The following CHN2 variants were observed in gnomAD, a reference collection of about 807,000 sequenced individuals.
CHN2 encodes the protein beta-chimaerin.
Under a neutral mutation model 56.3 loss-of-function variants are expected in CHN2, and 35 were observed. The observed-to-expected ratio is 0.62, with a 90% CI of 0.47 to 0.82. The LOEUF is 0.82. CHN2 is among the 40% of genes least tolerant of loss of function. The probability of loss-of-function intolerance (pLI) is 0.00; values close to 1 mark genes in which losing one functional copy is unlikely to be tolerated. For synonymous variants in CHN2, 210 were observed against 212.8 expected (o/e 0.99, Z 0.12); for missense variants, 491 against 580.5 (o/e 0.85, Z 1.58).
chr7:29,501,105 T>C (rs1789920886), intron 9 of CHN2, among the ~76,000 whole-genome samples: 1 of 47,180 alleles, frequency 2.1e-5, no homozygotes, highest in Admixed American at 2.7e-4. Context: ...ATATATTCAT[T>C]GGTCAACTAC....
chr7:29,227,373 A>T (rs1403370422), intron 1 of CHN2, among the ~76,000 whole-genome samples: 1 of 152,144 alleles, frequency 6.6e-6, no homozygotes, highest in Non-Finnish European at 1.5e-5. Context: ...TTCTAGAGGG[A>T]TGGACGTACT....
chr7:29,504,950 A>G (rs573139177), intron 10 of CHN2, 129 bp downstream of exon 10: 1 of 626,678 alleles, frequency 1.6e-6, no homozygotes, highest in South Asian at 2.1e-5. Context: ...CGGAGGAATA[A>G]TGGCTTACAA....
chr7:29,473,930 T>G (rs578161865), intron 6 of CHN2, among the ~76,000 whole-genome samples: 7 of 152,306 alleles, frequency 4.6e-5, no homozygotes, highest in Admixed American at 2.0e-4. Context: ...AAAAATCATT[T>G]TTATATAATG....
intron 6 of CHN2, among the ~76,000 whole-genome samples, chr7:29,468,687 A>G (rs1033477747): frequency 1.3e-5 from 2 of 152,066 alleles, no homozygotes; most frequent in Admixed American, 1.3e-4. Flanking sequence ...AACACGTGCA[A>G]TCAGATTCCC....
chr7:29,360,726 G>T (rs950337071), intron 2 of CHN2, among the ~76,000 whole-genome samples: 4 of 152,108 alleles, frequency 2.6e-5, no homozygotes. Context: ...TCAGCTCCTG[G>T]GTCCATATAC....
chr7:29,247,361 A>G (rs1214440332), intron 1 of CHN2, among the ~76,000 whole-genome samples: 5 of 152,194 alleles, frequency 3.3e-5, no homozygotes, highest in African/African-American at 9.7e-5. Flanking sequence ...CATGTGTCAC[A>G]CAGGCCTGGC....
chr7:29,302,673 T>C (rs1430647852), intron 1 of CHN2, among the ~76,000 whole-genome samples: 1 of 152,040 alleles, frequency 6.6e-6, no homozygotes, highest in Non-Finnish European at 1.5e-5. Context: ...CCATTCACAG[T>C]GTTATGTGGC....
At chr7:29,201,126 A>G (rs1412845294) in intron 1 of CHN2, among the ~76,000 whole-genome samples, 3 of 152,238 alleles carry the variant, frequency 2.0e-5, no homozygotes, top group Non-Finnish European at 4.4e-5. Flanking sequence ...AGTGTAAAGT[A>G]TTATTTTAAA....
intron 2 of CHN2, among the ~76,000 whole-genome samples, chr7:29,183,426 G>T (rs936452209): frequency 6.6e-6 from 1 of 151,452 alleles, no homozygotes; most frequent in African/African-American, 2.4e-5. Flanking sequence ...GCCCAGGCTG[G>T]AGTGAGGTGG....
intron 1 of CHN2, among the ~76,000 whole-genome samples, chr7:29,248,263 G>A (rs1466630221): frequency 1.3e-5 from 2 of 152,156 alleles, no homozygotes; most frequent in African/African-American, 2.4e-5. Context: ...ATGTGCTATC[G>A]GACCAGAGAC....
chr7:29,295,314 AACACACACAC>A (rs58693628), intron 1 of CHN2, among the ~76,000 whole-genome samples: 4 of 144,962 alleles, frequency 2.8e-5, no homozygotes, highest in South Asian at 2.3e-4. Flanking sequence ...TTTAGCTGTG[AACACACACAC>A]ACACACACAC....
chr7:29,326,056 C>T (rs1795775331), intron 1 of CHN2, among the ~76,000 whole-genome samples: 1 of 152,190 alleles, frequency 6.6e-6, no homozygotes, highest in Admixed American at 6.5e-5. Flanking sequence ...CCGTCTTTAC[C>T]ACTATAGTTG....
chr7:29,225,909 AACT>A (rs1786154153), intron 1 of CHN2, among the ~76,000 whole-genome samples: 1 of 152,190 alleles, frequency 6.6e-6, no homozygotes, highest in Non-Finnish European at 1.5e-5. Flanking sequence ...TTATTAATAA[AACT>A]CCCCAAATGG....
In CHN2 at chr7:29,512,770, C is replaced by T; in HGVS notation, c.*35C>T. 1 of 1,587,782 alleles carries T rather than the reference C, an allele frequency of 6.3e-7. No homozygotes were observed. The highest frequency in any genetic ancestry group is 8.6e-7 in the Non-Finnish European group (1 of 1,167,086). ...GAAATGAGCTGAATGGCCCCAGCAC[C>T]ATCCAAGTTGACACAGCTAAAGGAA... On this transcript the variant is annotated 3_prime_UTR_variant, in exon 13 of 13. Transcript: ENST00000222792.
intron 1 of CHN2, chr7:29,335,626 T>C (rs1027897284): frequency 3.3e-5 from 5 of 152,246 alleles, no homozygotes; most frequent in Non-Finnish European, 5.9e-5. Flanking sequence ...AGAGCCTGCA[T>C]GTGTCAGGTA....
intron 1 of CHN2, among the ~76,000 whole-genome samples, chr7:29,218,589 G>A (rs1463860799): frequency 1.3e-5 from 2 of 152,072 alleles, no homozygotes. Flanking sequence ...TTAAGAAAAT[G>A]TGGCATATAT....
intron 1 of CHN2, among the ~76,000 whole-genome samples, chr7:29,246,815 G>T (rs2128814570): frequency 6.6e-6 from 1 of 152,196 alleles, no homozygotes; most frequent in East Asian, 1.9e-4. Flanking sequence ...CATGGTGGAA[G>T]GGATGAGGGA....
At chr7:29,272,183 G>A (rs951101801) in intron 1 of CHN2, among the ~76,000 whole-genome samples, 3 of 152,068 alleles carry the variant, frequency 2.0e-5, no homozygotes, top group African/African-American at 2.4e-5. Flanking sequence ...TGACAGACAC[G>A]GAGTCCGCCA....
intron 1 of CHN2, among the ~76,000 whole-genome samples, chr7:29,218,966 T>A (rs1051415865): frequency 8.4e-5 from 12 of 142,880 alleles, no homozygotes; most frequent in South Asian, 2.2e-4. Flanking sequence ...TAATATAATT[T>A]AAAAAAAAAT....
Sources: gnomAD v4.1 joint callset for allele counts (sites outside exome capture counted in the v4.1 genomes callset) on GRCh38, gnomAD v4.1.1 for gene constraint, MANE v1.5 for transcripts, NCBI Gene and HGNC (gene_info 2026-07-23, HGNC 2026-07-21) for gene names.